AUTS2: variants seen among roughly 807,000 people sequenced by gnomAD.
AUTS2 encodes autism susceptibility gene 2 protein.
Under a neutral mutation model 112.4 loss-of-function variants are expected in AUTS2, and 17 were observed. The ratio of observed to expected loss-of-function variants is 0.15; its 90% CI spans 0.10 to 0.23. AUTS2 has a LOEUF of 0.23. AUTS2 is among the 10% of genes least tolerant of loss of function. The pLI, the probability that AUTS2 is intolerant of heterozygous loss-of-function variation, is 1.00. For missense variants in AUTS2, 1,510 were observed against 1,701.6 expected, an observed-to-expected ratio of 0.89 and a Z score of 1.98; for synonymous variants, 751 against 702.7, an observed-to-expected ratio of 1.07 and a Z score of -1.09.
intron 1 of AUTS2, among the ~76,000 whole-genome samples, chr7:69,844,103 A>T (rs56166692): frequency 0.034 from 5,200 of 152,284 alleles, 130 homozygotes; most frequent in Middle Eastern, 0.085. Context: ...TGAAGATGAT[A>T]AAGCTGAATC....
At chr7:70,774,003 A>G (rs769462963) in intron 11 of AUTS2, 25 bp from the exon 12 acceptor site, 2 of 1,612,096 alleles carry the variant, frequency 1.2e-6, no homozygotes, top group South Asian at 2.2e-5. Flanking sequence ...CTTCCTAAGT[A>G]AGCTGTGGTC....
intron 4 of AUTS2, among the ~76,000 whole-genome samples, chr7:70,137,064 C>G (rs926014550): frequency 6.6e-6 from 1 of 152,112 alleles, no homozygotes; most frequent in Non-Finnish European, 1.5e-5. Context: ...AAAGGAGAAG[C>G]CTTTGTTTTT....
intron 4 of AUTS2, among the ~76,000 whole-genome samples, chr7:70,155,216 C>T (rs778868270): frequency 2.6e-5 from 4 of 152,040 alleles, no homozygotes; most frequent in South Asian, 2.1e-4. Context: ...TGAGGAAAAC[C>T]GTGGGCTGAG....
chr7:70,684,252 A>C (rs1054822372), intron 5 of AUTS2, among the ~76,000 whole-genome samples: 6 of 152,212 alleles, frequency 3.9e-5, no homozygotes, highest in Admixed American at 2.6e-4. Flanking sequence ...GAGATAGCAA[A>C]GCCTTTGAGT....
At chr7:70,514,866 A>C (rs1318681452) in intron 5 of AUTS2, among the ~76,000 whole-genome samples, 2 of 152,206 alleles carry the variant, frequency 1.3e-5, no homozygotes, top group African/African-American at 2.4e-5. Context: ...CCATCTCACT[A>C]TTCCGATCAT....
At chr7:70,262,697 A>T (rs1787227804) in intron 4 of AUTS2, among the ~76,000 whole-genome samples, 1 of 152,250 alleles carries the variant, frequency 6.6e-6, no homozygotes, top group East Asian at 1.9e-4. Context: ...ATTGCCAAAA[A>T]ATGTAAAAAA....
chr7:69,763,225 C>A (rs1488691197), intron 1 of AUTS2, among the ~76,000 whole-genome samples: 1 of 152,148 alleles, frequency 6.6e-6, no homozygotes, highest in Non-Finnish European at 1.5e-5. Context: ...TAGGGTAATG[C>A]CTCTGCTGTG....
chr7:69,907,561 A>G (rs752029901), intron 2 of AUTS2, among the ~76,000 whole-genome samples: 2 of 152,212 alleles, frequency 1.3e-5, no homozygotes, highest in Non-Finnish European at 2.9e-5. Flanking sequence ...AAAGCTATGC[A>G]ATTTGTTATT....
chr7:70,691,655 G>A (rs1340925026), intron 5 of AUTS2, among the ~76,000 whole-genome samples: 1 of 152,162 alleles, frequency 6.6e-6, no homozygotes, highest in Admixed American at 6.5e-5. Flanking sequence ...AGTCTGGAGA[G>A]AGGATGAGAA....
rs1191761534 is a variant in AUTS2, at chr7:70,631,373, G to T, written c.691-67196G>T. 6.6e-6 allele frequency among the ~76,000 whole-genome samples: 1 copy of T among 152,210 alleles called. No individual in the cohort carries two copies. Among genetic ancestry groups the T allele is most frequent in the Admixed American group, 6.5e-5 (1 of 15,288 alleles). On this transcript the variant is annotated intron_variant, in intron 5 of 18. Coordinates refer to ENST00000342771, the MANE Select transcript of AUTS2 (RefSeq NM_015570.4). The surrounding 1 kb of genome is among the most constrained non-coding windows in gnomAD (Gnocchi z 4.5). ...GCGGCGGGGAAGCATGTGCACATGCGTGTCTGCACTGCTGTGTGCGTGTCG... is the reference window on the plus strand; with the variant it reads ...GCGGCGGGGAAGCATGTGCACATGCTTGTCTGCACTGCTGTGTGCGTGTCG...
At chr7:70,744,503 C>A (rs749892992) in intron 6 of AUTS2, among the ~76,000 whole-genome samples, 15 of 152,168 alleles carry the variant, frequency 9.9e-5, no homozygotes, top group Non-Finnish European at 1.9e-4. Flanking sequence ...TTCCACAGTG[C>A]CTTGACGAGG....
At chr7:69,687,461 T>C (rs977143327) in intron 1 of AUTS2, among the ~76,000 whole-genome samples, 17 of 152,312 alleles carry the variant, frequency 1.1e-4, no homozygotes, top group African/African-American at 3.4e-4. Context: ...CTTGCTGATA[T>C]TAATTTATTA....
intron 2 of AUTS2, among the ~76,000 whole-genome samples, chr7:69,927,497 T>G (rs2129543567): frequency 6.6e-6 from 1 of 152,298 alleles, no homozygotes; most frequent in South Asian, 2.1e-4. Flanking sequence ...AGGGTGTCAC[T>G]TCGTCAGCCA....
chr7:70,713,798 A>T (rs151068284), intron 6 of AUTS2, among the ~76,000 whole-genome samples: 22,351 of 152,050 alleles, frequency 0.15, 1,744 homozygotes, highest in East Asian at 0.2. Context: ...CAGGAGGCTG[A>T]GGCAGGAGAA....
chr7:69,839,637 C>T (rs1791884271), intron 1 of AUTS2, among the ~76,000 whole-genome samples: 1 of 152,104 alleles, frequency 6.6e-6, no homozygotes, highest in South Asian at 2.1e-4. Context: ...AGATCTCCCC[C>T]CATCCCCAAT....
intron 5 of AUTS2, among the ~76,000 whole-genome samples, chr7:70,586,479 T>C (rs1372424913): frequency 1.3e-5 from 2 of 152,080 alleles, no homozygotes; most frequent in Non-Finnish European, 2.9e-5. Flanking sequence ...TTGGGGTGCA[T>C]GTAAGGAAGG....
At chr7:69,630,716 G>C (rs1794190808) in intron 1 of AUTS2, among the ~76,000 whole-genome samples, 1 of 152,100 alleles carries the variant, frequency 6.6e-6, no homozygotes, top group African/African-American at 2.4e-5. Flanking sequence ...CTTCCACTGA[G>C]TTAAACTATA....
rs565296951 is a variant in AUTS2 at position 70,728,333 on chromosome 7, T to C, written c.742+29713T>C. On this transcript the variant is annotated intron_variant, in intron 6 of 18. Coordinates refer to ENST00000342771, the MANE Select transcript of AUTS2 (RefSeq NM_015570.4). Reference sequence around the variant, plus strand: ...CTTAAAGTGCAGGATTATCATGGTTTTTGTAGTGCAGCATTATCTGGTTGG... The same window carrying C: ...CTTAAAGTGCAGGATTATCATGGTTCTTGTAGTGCAGCATTATCTGGTTGG... 2.0e-5 allele frequency among the ~76,000 whole-genome samples: 3 copies of C among 152,302 alleles called. No individual in the cohort carries two copies. The South Asian group carries it at 6.2e-4, about 32-fold the overall frequency.
At chr7:70,015,490 G>T (rs1417944941) in intron 2 of AUTS2, among the ~76,000 whole-genome samples, 1 of 152,196 alleles carries the variant, frequency 6.6e-6, no homozygotes, top group Non-Finnish European at 1.5e-5. Context: ...TGTAACCACT[G>T]TATATAATGT....
Sources: gnomAD v4.1 joint callset for allele counts (sites outside exome capture counted in the v4.1 genomes callset) on GRCh38, gnomAD v4.1.1 for gene constraint, Gnocchi (gnomAD v3.1) non-coding constraint, MANE v1.5 for transcripts, NCBI Gene and HGNC (gene_info 2026-07-23, HGNC 2026-07-21) for gene names.